Variants in OCA2 observed in about 807,000 individuals in gnomAD.
The protein encoded by OCA2 is OCA2 melanosomal transmembrane protein.
A neutral mutation model predicts 100.2 loss-of-function variants in OCA2; 77 were observed. The observed-to-expected ratio is 0.77, with a 90% CI of 0.64 to 0.93. The LOEUF (loss-of-function observed/expected upper bound fraction) is 0.93, where lower values mean the gene tolerates loss of function less well. Among genes scored for constraint, OCA2 ranks in the 40% least tolerant of loss-of-function variants. OCA2 has a pLI of 0.00. For missense variants in OCA2, 1,062 were observed against 1,089.1 expected (o/e 0.98, Z 0.35); for synonymous variants, 432 against 439.2 (o/e 0.98, Z 0.21).
intron 19 of OCA2, among the ~76,000 whole-genome samples, chr15:27,917,004 C>T (rs990553266): frequency 8.6e-5 from 13 of 151,894 alleles, no homozygotes; most frequent in African/African-American, 2.7e-4. Context: ...AAGCCCAGGG[C>T]GTGAAGATGA....
chr15:27,870,940 C>T (rs1283701127), intron 21 of OCA2, among the ~76,000 whole-genome samples: 1 of 152,152 alleles, frequency 6.6e-6, no homozygotes, highest in African/African-American at 2.4e-5. Context: ...GACGTGCTGT[C>T]CACGGCAGCT....
At chr15:28,014,690 A>G in intron 9 of OCA2, 86 bp downstream of exon 9, 1 of 1,454,646 alleles carries the variant, frequency 6.9e-7, no homozygotes, top group Non-Finnish European at 9.4e-7. Context: ...AGGAGTCAGG[A>G]CTGAGCCCAT....
chr15:27,892,708 G>A lies in OCA2; in HGVS notation c.2080-20786C>T, dbSNP rs77786727. On this transcript the variant is annotated intron_variant, in intron 19 of 23. Coordinates refer to ENST00000354638, the MANE Select transcript of OCA2 (RefSeq NM_000275.3). ...AAAGCTTAAGGAAAGAAACAATAAAGATCACAGAAGAAATCTATTGAGTTA... is the reference window on the plus strand; with the variant it reads ...AAAGCTTAAGGAAAGAAACAATAAAAATCACAGAAGAAATCTATTGAGTTA... 1.4e-4 allele frequency among the ~76,000 whole-genome samples: 21 copies of A among 152,064 alleles called. 1 individual carries two copies. In the South Asian group the frequency reaches 4.2e-3, roughly 30 times the overall value.
chr15:27,902,201 A>T (rs1359773141), intron 19 of OCA2, among the ~76,000 whole-genome samples: 1 of 127,674 alleles, frequency 7.8e-6, no homozygotes, highest in South Asian at 3.0e-4. Context: ...TCATGAAAAA[A>T]AAGTTGTTGT....
chr15:27,729,289 ATTTTTT>A, the OCA2 span, among the ~76,000 whole-genome samples: 2,146 of 111,256 alleles, frequency 0.019, 49 homozygotes, highest in African/African-American at 0.065. Context: ...ATTATCATCT[ATTTTTT>A]TTTTTTTTTT....
chr15:27,968,986 CAAAAAAA>C (rs61334149), intron 14 of OCA2, among the ~76,000 whole-genome samples: 2 of 98,110 alleles, frequency 2.0e-5, no homozygotes, highest in Admixed American at 9.9e-5. Context: ...AACTCAGAGG[CAAAAAAA>C]AAAAAAAAGG....
chr15:28,090,068 T>C (rs1238110898), intron 1 of OCA2, among the ~76,000 whole-genome samples: 1 of 152,332 alleles, frequency 6.6e-6, no homozygotes, highest in East Asian at 1.9e-4. Flanking sequence ...TAATATATGC[T>C]AAACTTCAAG....
intron 2 of OCA2, among the ~76,000 whole-genome samples, chr15:28,047,091 C>G (rs1172192476): frequency 6.6e-6 from 1 of 152,146 alleles, no homozygotes; most frequent in East Asian, 1.9e-4. Flanking sequence ...GGCCCTGACA[C>G]ATGCCCTGGC....
At chr15:27,900,427 C>T (rs967702852) in intron 19 of OCA2, among the ~76,000 whole-genome samples, 3 of 152,176 alleles carry the variant, frequency 2.0e-5, no homozygotes, top group South Asian at 2.1e-4. Context: ...TCCTTATGAG[C>T]GGCCCGTCCT....
chr15:28,038,503 A>G (rs1566828160), intron 2 of OCA2, among the ~76,000 whole-genome samples: 1 of 152,192 alleles, frequency 6.6e-6, no homozygotes, highest in African/African-American at 2.4e-5. Flanking sequence ...TTTTCAGGAG[A>G]TAGAGTCACA....
chr15:27,807,994 G>A (rs900003243), intron 23 of OCA2, among the ~76,000 whole-genome samples: 6 of 152,356 alleles, frequency 3.9e-5, no homozygotes, highest in African/African-American at 1.4e-4. Context: ...GCCTGTGTGT[G>A]TGCAAGTGTG....
chr15:27,903,105 G>A (rs1018542543), intron 19 of OCA2, among the ~76,000 whole-genome samples: 1 of 152,234 alleles, frequency 6.6e-6, no homozygotes, highest in Admixed American at 6.5e-5. Context: ...ATCTGCGGGG[G>A]TCCCAGCGCT....
chr15:28,071,764 T>C (rs1301187915), intron 2 of OCA2, among the ~76,000 whole-genome samples: 1 of 152,176 alleles, frequency 6.6e-6, no homozygotes, highest in Non-Finnish European at 1.5e-5. Context: ...TTGTAAAAAG[T>C]AACGCAAAAT....
intron 9 of OCA2, among the ~76,000 whole-genome samples, chr15:28,004,696 A>T (rs2042036893): frequency 6.6e-6 from 1 of 151,790 alleles, no homozygotes; most frequent in Non-Finnish European, 1.5e-5. Context: ...ACGCTGACTC[A>T]CACACTAACT....
At chr15:27,975,077 A>G (rs1172365824) in intron 14 of OCA2, among the ~76,000 whole-genome samples, 2 of 152,192 alleles carry the variant, frequency 1.3e-5, no homozygotes, top group East Asian at 3.9e-4. Context: ...CTTGGTAGAA[A>G]CACAGCCAGT....
At chr15:27,986,716 C>G in intron 11 of OCA2, 73 bp from the exon 12 acceptor site, 2 of 1,014,076 alleles carry the variant, frequency 2.0e-6, no homozygotes, top group Admixed American at 1.7e-5. Context: ...AGCATGATCC[C>G]TTACACATTT....
At chr15:27,759,059 T>A (rs1305604086) in intron 23 of OCA2, among the ~76,000 whole-genome samples, 1 of 152,122 alleles carries the variant, frequency 6.6e-6, no homozygotes, top group Non-Finnish European at 1.5e-5. Flanking sequence ...TAAAATTTCT[T>A]GAAAGCAGTC....
chr15:27,966,952 A>G, intron 14 of OCA2, 130 bp from the exon 15 acceptor site: 2 of 1,038,694 alleles, frequency 1.9e-6, no homozygotes, highest in South Asian at 2.7e-5. Context: ...ACACAGTGAA[A>G]ACCTGTCTCT....
the OCA2 span, among the ~76,000 whole-genome samples, chr15:27,722,979 C>T: frequency 6.6e-6 from 1 of 151,764 alleles, no homozygotes; most frequent in African/African-American, 2.4e-5. Context: ...GTAGCTGGGA[C>T]TACAGGCATG....
Sources: gnomAD v4.1 joint callset for allele counts (sites outside exome capture counted in the v4.1 genomes callset) on GRCh38, gnomAD v4.1.1 for gene constraint, MANE v1.5 for transcripts, NCBI Gene and HGNC (gene_info 2026-07-23, HGNC 2026-07-21) for gene names.